POLH: variants seen among roughly 807,000 people sequenced by gnomAD.
POLH encodes the protein DNA polymerase eta, also known as DNA polymerase eta transcript.
Under a neutral mutation model 73.6 loss-of-function variants are expected in POLH, and 53 were observed. The observed-to-expected ratio is 0.72, with a 90% CI of 0.58 to 0.91. The LOEUF is 0.91. Among genes scored for constraint, POLH ranks in the 40% least tolerant of loss-of-function variants. The probability of loss-of-function intolerance (pLI) is 0.00; values close to 1 mark genes in which losing one functional copy is unlikely to be tolerated. For missense variants in POLH, 768 were observed against 865.4 expected (o/e 0.89, Z 1.41); for synonymous variants, 292 against 308.5 (o/e 0.95, Z 0.56).
Position 43,582,307 on chromosome 6 carries a change from G to A in POLH, c.-4-9G>A, listed in dbSNP as rs1764370435. 6.2e-7 allele frequency: 1 copy of A among 1,613,746 alleles called. No individual in the cohort carries two copies. Among genetic ancestry groups the A allele is most frequent in the Non-Finnish European group, 8.5e-7 (1 of 1,179,626 alleles). ...TTTTTCTAACTGTCCATAAAATGTT[G>A]TGTTACAGAAAAATGGCTACTGGAC... On this transcript the variant is annotated splice_polypyrimidine_tract_variant and intron_variant, in intron 1 of 10. Coordinates refer to ENST00000372236, the MANE Select transcript of POLH (RefSeq NM_006502.3).
At position 43,615,437 on chromosome 6, in the gene POLH, C is replaced by G. The variant is rs908604896; in HGVS notation, c.*880C>G. 2 of 151,292 alleles carry G rather than the reference C, an allele frequency of 1.3e-5. No homozygotes were observed. Among genetic ancestry groups the G allele is most frequent in the Non-Finnish European group, 2.9e-5 (2 of 67,918 alleles). The allele number at this position is 151,292 out of a possible 1,614,324, so 9.4% of individuals were successfully genotyped here. Reference sequence around the variant, plus strand: ...AGGCGTGGTGGTGCACGCCTGTAATCCCAGCTACTCAGGAGGCTAAGGCAG... The same window carrying G: ...AGGCGTGGTGGTGCACGCCTGTAATGCCAGCTACTCAGGAGGCTAAGGCAG... On this transcript the variant is annotated 3_prime_UTR_variant, in exon 11 of 11. Transcript: ENST00000372236.
At chr6:43,578,426 A>C (rs906217272) in intron 1 of POLH, 1 of 445,756 alleles carries the variant, frequency 2.2e-6, no homozygotes, top group Admixed American at 2.5e-5. Context: ...TGCCCAGGTC[A>C]TACCCATACC....
chr6:43,587,799 T>G (rs1248073094), intron 4 of POLH, among the ~76,000 whole-genome samples: 1 of 152,080 alleles, frequency 6.6e-6, no homozygotes, highest in East Asian at 1.9e-4. Flanking sequence ...GAGGCCGAGG[T>G]GGGTGGATCA....
chr6:43,589,082 C>T (rs1765160772), intron 4 of POLH, among the ~76,000 whole-genome samples: 1 of 152,144 alleles, frequency 6.6e-6, no homozygotes, highest in Non-Finnish European at 1.5e-5. Context: ...TTGTGATCCG[C>T]CCGCCTCGGC....
chr6:43,589,974 TTG>T (rs1765259488), intron 4 of POLH, among the ~76,000 whole-genome samples: 1 of 152,120 alleles, frequency 6.6e-6, no homozygotes, highest in African/African-American at 2.4e-5. Flanking sequence ...CTAAAAAAAA[TTG>T]TGATATAATC....
In POLH at chr6:43,613,824, T is replaced by C. The variant is rs200992939; in HGVS notation, c.1409T>C (p.Val470Ala). 7 of 1,614,100 alleles carry C rather than the reference T, an allele frequency of 4.3e-6. No homozygotes were observed. Among genetic ancestry groups the C allele is most frequent in the Admixed American group, 1.7e-5 (1 of 60,004 alleles). Residue 470 changes from valine (V) to alanine (A), a missense_variant, in exon 11 of 11, where the codon GTG becomes GCG. Coordinates refer to ENST00000372236, the MANE Select transcript of POLH (RefSeq NM_006502.3). Reference protein sequence around the residue: ...EAKTQGSGPAVTATKKATTSL... With the variant: ...EAKTQGSGPAATATKKATTSL... Reference sequence around the variant, plus strand: ...AAGACCCAGGGAAGTGGCCCAGCGGTGACAGCCACTAAGAAAGCAACCACG... The same window carrying C: ...AAGACCCAGGGAAGTGGCCCAGCGGCGACAGCCACTAAGAAAGCAACCACG...
intron 1 of POLH, among the ~76,000 whole-genome samples, chr6:43,577,220 T>C (rs1159284869): frequency 2.0e-5 from 3 of 152,174 alleles, no homozygotes; most frequent in Non-Finnish European, 4.4e-5. Flanking sequence ...AGTAAATACA[T>C]AAACGGAAAA....
chr6:43,614,125 G>A lies in POLH; in HGVS notation c.1710G>A (p.Glu570=). Reference sequence around the variant, plus strand: ...CATTACCAAACTCTTTACCAACAGAGTATCCAGGGTGTGTCCCTGTTTGTG... The same window carrying A: ...CATTACCAAACTCTTTACCAACAGAATATCCAGGGTGTGTCCCTGTTTGTG... ...CKALPNSLPT[E]YPGCVPVCEG... is the part of the protein sequence containing the mutation. Residue 570 remains glutamate, a synonymous_variant, in exon 11 of 11, where the codon GAG becomes GAA. Coordinates refer to ENST00000372236, the MANE Select transcript of POLH (RefSeq NM_006502.3). The A allele has an allele frequency of 6.2e-7, 1 of 1,614,208 alleles. No homozygotes were observed. The highest frequency in any genetic ancestry group is 8.5e-7 in the Non-Finnish European group (1 of 1,180,040).
At chr6:43,611,992 G>A (rs574339671) in intron 10 of POLH, among the ~76,000 whole-genome samples, 16 of 152,022 alleles carry the variant, frequency 1.1e-4, no homozygotes, top group Non-Finnish European at 1.9e-4. Flanking sequence ...GGAGGTGGAG[G>A]TTGCGGTGAG....
At chr6:43,597,512 A>G (rs1766216014) in intron 4 of POLH, among the ~76,000 whole-genome samples, 184 bp from the exon 5 acceptor site, 1 of 152,238 alleles carries the variant, frequency 6.6e-6, no homozygotes, top group African/African-American at 2.4e-5. Flanking sequence ...GCTGAAGCTA[A>G]GCTGCGGGAA....
At position 43,615,712 on chromosome 6, in the gene POLH, C is replaced by T. The variant is rs533834281; in HGVS notation, c.*1155C>T. The T allele has an allele frequency of 5.3e-5, 8 of 151,562 alleles. No homozygotes were observed. The highest frequency in any genetic ancestry group is 3.9e-4 in the East Asian group (2 of 5,068). The allele number at this position is 151,562 out of a possible 1,614,324, so 9.4% of individuals were successfully genotyped here. ...TTTTTGAGACGGAGTCTCCCTCTGT[C>T]GTCAGGCTAGAATGCAGTGGTGCGT... On this transcript the variant is annotated 3_prime_UTR_variant, in exon 11 of 11. Coordinates refer to ENST00000372236, the MANE Select transcript of POLH (RefSeq NM_006502.3).
intron 9 of POLH, among the ~76,000 whole-genome samples, chr6:43,609,836 T>C (rs1331304146): frequency 6.6e-6 from 1 of 152,170 alleles, no homozygotes; most frequent in East Asian, 1.9e-4. Context: ...ATTGTCCTGC[T>C]TAGACACCAT....
In POLH at chr6:43,613,926, C is replaced by G. The variant is rs1198236039; in HGVS notation, c.1511C>G (p.Pro504Arg). The G allele has an allele frequency of 6.2e-7, 1 of 1,613,880 alleles. No homozygotes were observed. The highest frequency in any genetic ancestry group is 8.5e-7 in the Non-Finnish European group (1 of 1,180,042). ...GCTTCGCTTTCATCTCTTACTGCTC[C>G]CACTCAGGCTCCCATGAGCAATTCA... ...KEASLSSLTA[P>R]TQAPMSNSPS... The change falls in exon 11 of 11, where the codon CCC becomes CGC. Residue 504 changes from proline to arginine, a missense_variant. Coordinates refer to ENST00000372236, the MANE Select transcript of POLH (RefSeq NM_006502.3).
intron 3 of POLH, 55 bp downstream of exon 3, chr6:43,583,196 T>C (rs1024366138): frequency 4.6e-6 from 7 of 1,518,144 alleles, no homozygotes; most frequent in Non-Finnish European, 6.4e-6. Context: ...TAATACTCCA[T>C]GAGGCTAGGA....
rs1017287773 is a variant in POLH at position 43,617,516 on chromosome 6, A to T, written c.*2959A>T. Among the ~76,000 whole-genome samples, 21 of 152,110 alleles carry T rather than the reference A, an allele frequency of 1.4e-4. No individual in the cohort carries two copies. The highest frequency in any genetic ancestry group is 4.8e-4 in the African/African-American group (20 of 41,504). On this transcript the variant is annotated 3_prime_UTR_variant, in exon 11 of 11. Transcript: ENST00000372236. ...GTGACGCATGCGTGTAATCCCAGCTACTTAGGAGGCTGAGGCAGGAGAATC... is the reference window on the plus strand; with the variant it reads ...GTGACGCATGCGTGTAATCCCAGCTTCTTAGGAGGCTGAGGCAGGAGAATC...
At chr6:43,605,868 C>A (rs763958569) in intron 9 of POLH, among the ~76,000 whole-genome samples, 14 of 151,954 alleles carry the variant, frequency 9.2e-5, no homozygotes, top group Non-Finnish European at 1.5e-4. Flanking sequence ...CAGGCACATA[C>A]CACCACACCC....
intron 1 of POLH, 88 bp from the exon 2 acceptor site, chr6:43,582,228 A>G (rs894484442): frequency 1.5e-5 from 18 of 1,205,020 alleles, no homozygotes; most frequent in South Asian, 3.6e-5. Context: ...GCTCATGGTA[A>G]CTCATCAGTG....
intron 7 of POLH, 117 bp from the exon 8 acceptor site, chr6:43,604,498 C>A: frequency 2.5e-6 from 3 of 1,177,116 alleles, no homozygotes; most frequent in Non-Finnish European, 3.7e-6. Flanking sequence ...AAATTTTGGA[C>A]AAGGTTTTCC....
chr6:43,578,285 G>T (rs1763610780), intron 1 of POLH, among the ~76,000 whole-genome samples: 1 of 152,174 alleles, frequency 6.6e-6, no homozygotes. Flanking sequence ...TACTCAGGAG[G>T]CTGAGGCAGG....
Sources: allele counts gnomAD v4.1 joint callset (sites outside exome capture counted in the v4.1 genomes callset), GRCh38; gene constraint gnomAD v4.1.1; transcripts MANE v1.5; gene names NCBI Gene and HGNC (gene_info 2026-07-23, HGNC 2026-07-21).